The following USH2A variants were observed in gnomAD, a reference collection of about 807,000 sequenced individuals.
The protein encoded by USH2A is usherin.
In USH2A, 443 loss-of-function variants were observed where a neutral mutation model predicts 538.9. The observed-to-expected ratio is 0.82, with a 90% CI of 0.76 to 0.89. The LOEUF (loss-of-function observed/expected upper bound fraction) is 0.89, where lower values mean the gene tolerates loss of function less well. Among genes scored for constraint, USH2A ranks in the 40% least tolerant of loss-of-function variants. The pLI, the probability that USH2A is intolerant of heterozygous loss-of-function variation, is 0.00. For synonymous variants in USH2A, 2,413 were observed against 2,273.5 expected, an observed-to-expected ratio of 1.06 and a Z score of -1.75; for missense variants, 6,633 against 6,324.8, an observed-to-expected ratio of 1.05 and a Z score of -1.65.
chr1:215,756,916 A>C (rs956182222), intron 58 of USH2A, among the ~76,000 whole-genome samples: 1 of 120,854 alleles, frequency 8.3e-6, no homozygotes, highest in Admixed American at 8.1e-5. Flanking sequence ...CCCGGTCTCA[A>C]AATAAACAAA....
intron 35 of USH2A, among the ~76,000 whole-genome samples, chr1:215,985,175 C>T (rs1667843251): frequency 6.6e-6 from 1 of 152,022 alleles, no homozygotes; most frequent in Admixed American, 6.6e-5. Context: ...ACATTTTGAC[C>T]ATTTAAAAAT....
chr1:215,755,217 A>C (rs935684991), intron 58 of USH2A, among the ~76,000 whole-genome samples: 8 of 152,182 alleles, frequency 5.3e-5, no homozygotes, highest in Non-Finnish European at 8.8e-5. Context: ...GGGGTTGAGA[A>C]TCTGTCTTTA....
chr1:215,785,258 T>A (rs1200055852), intron 52 of USH2A, among the ~76,000 whole-genome samples: 1 of 152,122 alleles, frequency 6.6e-6, no homozygotes, highest in South Asian at 2.1e-4. Flanking sequence ...GGGACTGCAT[T>A]GAGGAAAAGA....
At chr1:216,177,771 G>A (rs2102643549) in intron 20 of USH2A, among the ~76,000 whole-genome samples, 1 of 152,262 alleles carries the variant, frequency 6.6e-6, no homozygotes, top group South Asian at 2.1e-4. Flanking sequence ...TGAAAATGAA[G>A]GTTTGTTTTG....
chr1:216,169,439 G>A (rs1352452581), intron 21 of USH2A, among the ~76,000 whole-genome samples: 1 of 152,096 alleles, frequency 6.6e-6, no homozygotes, highest in Non-Finnish European at 1.5e-5. Flanking sequence ...TGATGTAGTT[G>A]ATGAATGGGG....
intron 14 of USH2A, among the ~76,000 whole-genome samples, chr1:216,218,020 T>C (rs1221778904): frequency 6.6e-6 from 1 of 152,062 alleles, no homozygotes; most frequent in East Asian, 1.9e-4. Flanking sequence ...CTAAAAATCT[T>C]AAAATTCTAT....
At chr1:215,754,509 C>CAA (rs758606960) in intron 58 of USH2A, among the ~76,000 whole-genome samples, 4 of 143,654 alleles carry the variant, frequency 2.8e-5, no homozygotes, top group South Asian at 2.2e-4. Flanking sequence ...ACACTGACCA[C>CAA]AAAAAAAAAA....
chr1:215,696,931 T>G (rs2102686371), intron 61 of USH2A, among the ~76,000 whole-genome samples: 1 of 152,020 alleles, frequency 6.6e-6, no homozygotes, highest in Admixed American at 6.5e-5. Flanking sequence ...ATTAAAACAC[T>G]TCCATTACAC....
chr1:216,120,802 G>T (rs1287402972), intron 21 of USH2A, among the ~76,000 whole-genome samples: 1 of 152,030 alleles, frequency 6.6e-6, no homozygotes, highest in Non-Finnish European at 1.5e-5. Context: ...AGTGAGCCGA[G>T]ATGGCGCCAC....
chr1:216,167,268 T>C (rs1290204237), intron 21 of USH2A, among the ~76,000 whole-genome samples: 2 of 151,874 alleles, frequency 1.3e-5, no homozygotes, highest in Non-Finnish European at 2.9e-5. Context: ...CAGGCAACCG[T>C]CAGGTGATAA....
chr1:216,203,395 T>C (rs2035041816), intron 16 of USH2A, among the ~76,000 whole-genome samples: 1 of 152,078 alleles, frequency 6.6e-6, no homozygotes, highest in Non-Finnish European at 1.5e-5. Flanking sequence ...TATAACAATA[T>C]ACCCCAATAA....
chr1:215,809,539 C>T (rs562713431), intron 49 of USH2A, among the ~76,000 whole-genome samples: 7 of 151,342 alleles, frequency 4.6e-5, no homozygotes, highest in Non-Finnish European at 7.4e-5. Flanking sequence ...ACATAAGATA[C>T]AAGGATCAGT....
At chr1:215,632,264 T>C (rs1656307432) in intron 70 of USH2A, among the ~76,000 whole-genome samples, 1 of 152,276 alleles carries the variant, frequency 6.6e-6, no homozygotes, top group East Asian at 1.9e-4. Context: ...TGGCAGATTA[T>C]TGAGTTTCTC....
chr1:215,715,800 C>T (rs967431597), intron 61 of USH2A, among the ~76,000 whole-genome samples: 7 of 152,080 alleles, frequency 4.6e-5, no homozygotes, highest in Non-Finnish European at 7.4e-5. Context: ...TAGTTAAGCG[C>T]GGCAGAAGGA....
In USH2A at chr1:216,078,276, A is replaced by G. The variant is rs2102554465; in HGVS notation, c.5385T>C (p.Tyr1795=). 6.2e-7 allele frequency: 1 copy of G among 1,613,774 alleles called. No homozygotes were observed. Among genetic ancestry groups the G allele is most frequent in the South Asian group, 1.1e-5 (1 of 91,082 alleles). ...TGACTTTATTCCACTTTCCATTACA[A>G]TAGGATAGCCCCAGCAATAGATCCA... The part of the protein sequence containing the change: ...TQVDLLLGLS[Y]CNGKWNKVII... Residue 1795 remains tyrosine (Y), a synonymous_variant, in exon 27 of 72, where the codon TAT becomes TAC. Coordinates refer to ENST00000307340, the MANE Select transcript of USH2A (RefSeq NM_206933.4).
intron 20 of USH2A, among the ~76,000 whole-genome samples, chr1:216,187,389 A>G (rs2102652291): frequency 6.6e-6 from 1 of 152,044 alleles, no homozygotes; most frequent in Non-Finnish European, 1.5e-5. Flanking sequence ...AAAATGTAGT[A>G]ATAATACATT....
In USH2A at chr1:216,198,179, T is replaced by A. The variant is rs144083656; in HGVS notation, c.4081+136A>T. ...TGTTTATGTAACAAATCCATATATA[T>A]GAAAATTTTCCTTGGTCTATGGAAG... On this transcript the variant is annotated intron_variant, in intron 18 of 71. Transcript: ENST00000307340. 5 of 1,294,636 alleles carry A rather than the reference T, an allele frequency of 3.9e-6. No individual in the cohort carries two copies. In the African/African-American group the frequency reaches 7.5e-5, roughly 19 times the overall value. 80.2% of individuals were successfully genotyped at this position (1,294,636 alleles called of 1,614,324 possible). A position where few individuals can be genotyped will look rare whatever the true frequency, so the allele number is the denominator to read the frequency against.
chr1:216,307,684 A>T (rs2037343971), intron 9 of USH2A, among the ~76,000 whole-genome samples: 1 of 152,194 alleles, frequency 6.6e-6, no homozygotes, highest in South Asian at 2.1e-4. Context: ...TTCCACTGGC[A>T]GTCCTACCCA....
At position 215,758,823 on chromosome 1, in the gene USH2A, T is replaced by C. The variant is rs542209206; in HGVS notation, c.11232-71A>G. ...AGACTTGAACAATGATTACTAGTTT[T>C]TGTATCAATTGCTTAGTCCTAAATT... On this transcript the variant is annotated intron_variant, in intron 57 of 71. Transcript: ENST00000307340. 103 of 1,513,974 alleles carry C rather than the reference T, an allele frequency of 6.8e-5. No individual in the cohort carries two copies. The East Asian group carries it at 2.0e-3, about 29-fold the overall frequency. The allele number at this position is 1,513,974 out of a possible 1,614,324, so 93.8% of individuals were successfully genotyped here. A position where few individuals can be genotyped will look rare whatever the true frequency, so the allele number is the denominator to read the frequency against.
Sources: gnomAD v4.1 joint callset for allele counts (sites outside exome capture counted in the v4.1 genomes callset) on GRCh38, gnomAD v4.1.1 for gene constraint, MANE v1.5 for transcripts, NCBI Gene and HGNC (gene_info 2026-07-23, HGNC 2026-07-21) for gene names.